GALNTL6: variants seen among roughly 807,000 people sequenced by gnomAD.
The protein encoded by GALNTL6 is polypeptide N-acetylgalactosaminyltransferase-like 6.
GALNTL6 carries 46 observed loss-of-function variants against 73.7 expected under a neutral mutation model. The observed-to-expected ratio is 0.62, with a 90% CI of 0.49 to 0.80. GALNTL6 has a LOEUF of 0.80. Ranked by LOEUF, GALNTL6 falls within the 30% of genes least tolerant of loss-of-function variation. GALNTL6 has a pLI of 0.00. For synonymous variants in GALNTL6, 259 were observed against 263.7 expected (o/e 0.98, Z 0.17); for missense variants, 604 against 755.0 (o/e 0.80, Z 2.34).
intron 5 of GALNTL6, among the ~76,000 whole-genome samples, chr4:172,807,099 C>G (rs964411887): frequency 6.6e-6 from 1 of 152,116 alleles, no homozygotes; most frequent in Non-Finnish European, 1.5e-5. Context: ...AGTAAAGCTA[C>G]AGTCTTACAC....
At chr4:172,675,850 A>T (rs1034391034) in intron 5 of GALNTL6, among the ~76,000 whole-genome samples, 1 of 152,232 alleles carries the variant, frequency 6.6e-6, no homozygotes, top group Non-Finnish European at 1.5e-5. Context: ...TTCATGTCTC[A>T]GTATTTGGTG....
intron 7 of GALNTL6, among the ~76,000 whole-genome samples, chr4:172,837,467 A>G (rs1742969978): frequency 6.6e-6 from 1 of 152,244 alleles, no homozygotes; most frequent in African/African-American, 2.4e-5. Flanking sequence ...CAGTGAACAA[A>G]TGTATAAATA....
At chr4:173,038,697 T>C (rs562157372) in intron 12 of GALNTL6, among the ~76,000 whole-genome samples, 2 of 152,332 alleles carry the variant, frequency 1.3e-5, no homozygotes, top group African/African-American at 4.8e-5. Flanking sequence ...GCCTTTCTCC[T>C]TCCTTATTCT....
chr4:173,022,926 G>C (rs1413229875), intron 12 of GALNTL6, among the ~76,000 whole-genome samples: 1 of 152,170 alleles, frequency 6.6e-6, no homozygotes, highest in Non-Finnish European at 1.5e-5. Context: ...GAACTTGGCT[G>C]TCAATTAGCA....
intron 2 of GALNTL6, among the ~76,000 whole-genome samples, chr4:171,850,929 C>G (rs1030887665): frequency 6.6e-6 from 1 of 152,000 alleles, no homozygotes; most frequent in Non-Finnish European, 1.5e-5. Context: ...TCTTAGCCAC[C>G]CCAATAATTA....
chr4:172,099,314 T>C (rs1320236464), intron 2 of GALNTL6, among the ~76,000 whole-genome samples: 1 of 151,998 alleles, frequency 6.6e-6, no homozygotes, highest in Admixed American at 6.6e-5. Context: ...CTTCACAAGG[T>C]TTACAGAAAA....
intron 2 of GALNTL6, among the ~76,000 whole-genome samples, chr4:172,102,138 T>A (rs976871793): frequency 6.6e-6 from 1 of 152,154 alleles, no homozygotes; most frequent in African/African-American, 2.4e-5. Flanking sequence ...GCAAAATAAT[T>A]AAGGAGGAAT....
chr4:172,632,185 T>C (rs1274898812), intron 5 of GALNTL6, among the ~76,000 whole-genome samples: 1 of 152,222 alleles, frequency 6.6e-6, no homozygotes. Context: ...AACAGACTAA[T>C]ACAGTGAATT....
intron 10 of GALNTL6, among the ~76,000 whole-genome samples, chr4:172,975,649 CTGTT>C (rs1750773387): frequency 6.6e-6 from 1 of 152,150 alleles, no homozygotes; most frequent in African/African-American, 2.4e-5. Context: ...AGTGCCCAGG[CTGTT>C]TGTTCTGAGG....
At chr4:172,096,703 A>T (rs1472745579) in intron 2 of GALNTL6, among the ~76,000 whole-genome samples, 2 of 151,980 alleles carry the variant, frequency 1.3e-5, no homozygotes, top group Non-Finnish European at 2.9e-5. Flanking sequence ...TGTATTCTTA[A>T]TGCTCCTAAA....
intron 2 of GALNTL6, among the ~76,000 whole-genome samples, chr4:171,906,954 C>T (rs1290635239): frequency 6.6e-6 from 1 of 152,078 alleles, no homozygotes; most frequent in Non-Finnish European, 1.5e-5. Flanking sequence ...ACCCTTCATG[C>T]TAAAAACTCT....
At chr4:172,172,163 A>G (rs980278209) in intron 2 of GALNTL6, among the ~76,000 whole-genome samples, 3 of 152,066 alleles carry the variant, frequency 2.0e-5, no homozygotes, top group Non-Finnish European at 4.4e-5. Context: ...AATTCAATAT[A>G]ACTAGCATTG....
chr4:172,835,721 T>C (rs1173292865), intron 7 of GALNTL6, among the ~76,000 whole-genome samples: 3 of 152,086 alleles, frequency 2.0e-5, no homozygotes, highest in Non-Finnish European at 4.4e-5. Context: ...ACCATGTGGA[T>C]ACCAAGAGAC....
At chr4:172,370,241 CCTT>C (rs1240043548) in intron 5 of GALNTL6, among the ~76,000 whole-genome samples, 1 of 152,104 alleles carries the variant, frequency 6.6e-6, no homozygotes, top group Non-Finnish European at 1.5e-5. Flanking sequence ...ATTTGTAAGA[CCTT>C]CTGTATGTAG....
At chr4:172,830,042 T>C (rs1263591863) in intron 7 of GALNTL6, among the ~76,000 whole-genome samples, 1 of 152,192 alleles carries the variant, frequency 6.6e-6, no homozygotes, top group East Asian at 1.9e-4. Flanking sequence ...ATTTTTCTCA[T>C]CTGAGGTCAC....
chr4:172,594,953 T>TAAGA (rs527632183), intron 5 of GALNTL6, among the ~76,000 whole-genome samples: 177 of 152,278 alleles, frequency 1.2e-3, no homozygotes, highest in African/African-American at 3.7e-3. Context: ...AGGTTAAGAA[T>TAAGA]AAGAGGTCAG....
intron 5 of GALNTL6, among the ~76,000 whole-genome samples, chr4:172,452,269 CA>C (rs926077853): frequency 1.9e-4 from 28 of 149,114 alleles, no homozygotes; most frequent in Admixed American, 8.0e-4. Context: ...TAAAAGTGAA[CA>C]AAAAAAAGAC....
intron 3 of GALNTL6, among the ~76,000 whole-genome samples, chr4:172,270,418 G>A (rs115386570): frequency 7.3e-4 from 111 of 152,198 alleles, no homozygotes; most frequent in African/African-American, 2.6e-3. Flanking sequence ...AAGCAGATTG[G>A]TTTTTCAACA....
chr4:172,659,219 T>C (rs1416743392), intron 5 of GALNTL6, among the ~76,000 whole-genome samples: 1 of 151,960 alleles, frequency 6.6e-6, no homozygotes, highest in Non-Finnish European at 1.5e-5. Flanking sequence ...TCATAAAAGC[T>C]TTAATTTTTT....
Sources: allele counts gnomAD v4.1 joint callset (sites outside exome capture counted in the v4.1 genomes callset), GRCh38; gene constraint gnomAD v4.1.1; transcripts MANE v1.5; gene names NCBI Gene and HGNC (gene_info 2026-07-23, HGNC 2026-07-21).